The following TRPM3 variants were observed in gnomAD, a reference collection of about 807,000 sequenced individuals.
TRPM3 encodes the protein long transient receptor potential channel 3.
TRPM3 carries 77 observed loss-of-function variants against 181.2 expected under a neutral mutation model. The ratio of observed to expected loss-of-function variants is 0.42; its 90% CI spans 0.35 to 0.51. TRPM3 has a LOEUF of 0.51. Among genes scored for constraint, TRPM3 ranks in the 20% least tolerant of loss-of-function variants. TRPM3 has a pLI of 0.01. For synonymous variants in TRPM3, 745 were observed against 796.4 expected, an observed-to-expected ratio of 0.94 and a Z score of 1.09; for missense variants, 1,759 against 2,196.7, an observed-to-expected ratio of 0.80 and a Z score of 3.98.
chr9:71,054,681 G>T (rs1205387276), intron 1 of TRPM3, among the ~76,000 whole-genome samples: 2 of 152,034 alleles, frequency 1.3e-5, no homozygotes, highest in African/African-American at 2.4e-5. Context: ...CATCCCCATG[G>T]TTCTAATAAC....
At position 71,391,968 on chromosome 9, in the gene TRPM3, G is replaced by T. The variant is rs551255482; in HGVS notation, c.183+54685C>A. ...GATCAGAAGAGAAAGAAAATTTAAA[G>T]ATAGAAGTTATTTCTATGGGCTACA... On this transcript the variant is annotated intron_variant, in intron 1 of 24. Coordinates refer to the TRPM3 transcript ENST00000357533. Among the ~76,000 whole-genome samples the T allele has an allele frequency of 2.0e-5, 3 of 152,176 alleles. No homozygotes were observed. In the East Asian group the frequency reaches 5.8e-4, roughly 29 times the overall value.
chr9:71,349,933 G>A (rs1427317337), intron 1 of TRPM3, among the ~76,000 whole-genome samples: 1 of 147,950 alleles, frequency 6.8e-6, no homozygotes, highest in Non-Finnish European at 1.5e-5. Flanking sequence ...CATATATATA[G>A]ACACTCCATC....
At chr9:71,431,237 T>G (rs1306840909) in intron 1 of TRPM3, among the ~76,000 whole-genome samples, 1 of 152,146 alleles carries the variant, frequency 6.6e-6, no homozygotes, top group African/African-American at 2.4e-5. Context: ...AAGTTTCACT[T>G]GATGAATTTA....
chr9:71,389,625 C>G (rs533439487), intron 1 of TRPM3, among the ~76,000 whole-genome samples: 1 of 151,938 alleles, frequency 6.6e-6, no homozygotes, highest in African/African-American at 2.4e-5. Context: ...CTGTGGTGTA[C>G]ATATATAAGA....
At chr9:70,977,625 G>C (rs1356117655) in intron 1 of TRPM3, among the ~76,000 whole-genome samples, 4 of 152,212 alleles carry the variant, frequency 2.6e-5, no homozygotes, top group Non-Finnish European at 4.4e-5. Context: ...CTCCATTTCA[G>C]ACACCAACAG....
chr9:70,541,653 A>T (rs1380425461), intron 25 of TRPM3, among the ~76,000 whole-genome samples: 1 of 152,098 alleles, frequency 6.6e-6, no homozygotes, highest in Non-Finnish European at 1.5e-5. Flanking sequence ...CTGGGATTAA[A>T]GGCATGCATC....
At chr9:71,084,222 A>T (rs570441103) in intron 1 of TRPM3, among the ~76,000 whole-genome samples, 1 of 152,028 alleles carries the variant, frequency 6.6e-6, no homozygotes, top group Non-Finnish European at 1.5e-5. Flanking sequence ...TGCTTGGTCC[A>T]GTATATACTA....
chr9:71,050,663 A>C (rs930592794), intron 1 of TRPM3, among the ~76,000 whole-genome samples: 1 of 152,214 alleles, frequency 6.6e-6, no homozygotes, highest in East Asian at 1.9e-4. Flanking sequence ...ACTTCTGTTT[A>C]TATATCAATA....
chr9:70,535,557 C>T lies in TRPM3; in HGVS notation c.*396G>A, dbSNP rs1431835121. The T allele has an allele frequency of 3.9e-6, 6 of 1,537,206 alleles. No individual in the cohort carries two copies. Among genetic ancestry groups the T allele is most frequent in the Non-Finnish European group, 5.2e-6 (6 of 1,143,334 alleles). On this transcript the variant is annotated 3_prime_UTR_variant, in exon 26 of 26. Transcript: ENST00000677713. ...TATTTTATTTTATTTTGCAATTTAG[C>T]CCTGCATCCTACAACTCTTGATAAT...
intron 1 of TRPM3, among the ~76,000 whole-genome samples, chr9:71,268,543 G>A (rs1396907307): frequency 1.3e-5 from 2 of 152,096 alleles, no homozygotes; most frequent in Non-Finnish European, 2.9e-5. Context: ...TAGATCTGAG[G>A]GCTGGGCACG....
At chr9:71,238,392 G>A (rs1311161113) in intron 1 of TRPM3, among the ~76,000 whole-genome samples, 5 of 152,090 alleles carry the variant, frequency 3.3e-5, no homozygotes, top group East Asian at 1.9e-4. Context: ...CACCCACAGG[G>A]AAAGAAGTTC....
In TRPM3 at chr9:70,903,311, G is replaced by T. The variant is rs1483555234; in HGVS notation, c.178-38800C>A. Among the ~76,000 whole-genome samples, 6 of 152,330 alleles carry T rather than the reference G, an allele frequency of 3.9e-5. No homozygotes were observed. In the East Asian group the frequency reaches 1.2e-3, roughly 29 times the overall value. ...TCTGAGCTTTCCTGACTGTGTAAATGAGAGTTGGGACATTAATACACAGAG... is the reference window on the plus strand; with the variant it reads ...TCTGAGCTTTCCTGACTGTGTAAATTAGAGTTGGGACATTAATACACAGAG... On this transcript the variant is annotated intron_variant, in intron 1 of 25. Transcript: ENST00000677713.
chr9:71,374,981 T>G (rs1307764569), intron 1 of TRPM3, among the ~76,000 whole-genome samples: 1 of 152,122 alleles, frequency 6.6e-6, no homozygotes, highest in Admixed American at 6.6e-5. Context: ...TGCTCATGAA[T>G]AGGAAGAATC....
intron 18 of TRPM3, among the ~76,000 whole-genome samples, chr9:70,613,920 T>C (rs999807927): frequency 2.0e-5 from 3 of 152,190 alleles, no homozygotes; most frequent in Non-Finnish European, 4.4e-5. Flanking sequence ...ATTCAGTTTC[T>C]GGATGTCTTC....
chr9:70,782,210 C>CTT (rs548450519), intron 7 of TRPM3, among the ~76,000 whole-genome samples: 2 of 138,866 alleles, frequency 1.4e-5, no homozygotes, highest in African/African-American at 5.3e-5. Context: ...TTTTTTTTTT[C>CTT]TTTTTTTTTT....
At chr9:71,324,631 G>A (rs2089514075) in intron 1 of TRPM3, among the ~76,000 whole-genome samples, 1 of 151,792 alleles carries the variant, frequency 6.6e-6, no homozygotes. Flanking sequence ...CTATTCAAAG[G>A]AAAAGCAATT....
intron 9 of TRPM3, 41 bp from the exon 10 acceptor site, chr9:70,640,701 AACG>A: frequency 6.6e-7 from 1 of 1,514,042 alleles, no homozygotes; most frequent in Non-Finnish European, 9.1e-7. Context: ...GAAGAGAGAA[AACG>A]ACGATCAGTT....
At chr9:71,080,203 T>TAAATAAATAAAATA (rs1483714998) in intron 1 of TRPM3, among the ~76,000 whole-genome samples, 25 of 150,044 alleles carry the variant, frequency 1.7e-4, no homozygotes, top group African/African-American at 6.1e-4. Flanking sequence ...AATAAATAAA[T>TAAATAAATAAAATA]AAATAAAATA....
intron 1 of TRPM3, among the ~76,000 whole-genome samples, chr9:70,934,166 T>C (rs1436784430): frequency 5.3e-5 from 8 of 152,192 alleles, no homozygotes; most frequent in African/African-American, 1.9e-4. Context: ...TAGGAATGAA[T>C]GGCTGATAAT....
Sources: allele counts gnomAD v4.1 joint callset (sites outside exome capture counted in the v4.1 genomes callset), GRCh38; gene constraint gnomAD v4.1.1; transcripts MANE v1.5; gene names NCBI Gene and HGNC (gene_info 2026-07-23, HGNC 2026-07-21).